Variants in ATP8A1 observed in about 807,000 individuals in gnomAD.
ATP8A1 encodes ATPase phospholipid transporting 8A1, also known as phospholipid-transporting ATPase IA.
ATP8A1 carries 90 observed loss-of-function variants against 177.7 expected under a neutral mutation model. The ratio of observed to expected loss-of-function variants is 0.51; its 90% CI spans 0.43 to 0.60. ATP8A1 has a LOEUF of 0.60. Ranked by LOEUF, ATP8A1 falls within the 20% of genes least tolerant of loss-of-function variation. The probability of loss-of-function intolerance (pLI) is 0.00; values close to 1 mark genes in which losing one functional copy is unlikely to be tolerated. For synonymous variants in ATP8A1, 493 were observed against 485.9 expected (o/e 1.01, Z -0.19); for missense variants, 1,072 against 1,392.8 (o/e 0.77, Z 3.67).
intron 5 of ATP8A1, among the ~76,000 whole-genome samples, chr4:42,601,508 A>C (rs1173372877): frequency 6.6e-6 from 1 of 151,860 alleles, no homozygotes; most frequent in Non-Finnish European, 1.5e-5. Flanking sequence ...TGTCTGTGCT[A>C]TAACACTGAG....
At chr4:42,446,039 C>T (rs1717179387) in intron 31 of ATP8A1, among the ~76,000 whole-genome samples, 1 of 136,044 alleles carries the variant, frequency 7.4e-6, no homozygotes, top group African/African-American at 2.8e-5. Context: ...AAGGTCATGC[C>T]ACTGCACTCC....
At chr4:42,543,154 G>C (rs1160999512) in intron 20 of ATP8A1, among the ~76,000 whole-genome samples, 1 of 152,096 alleles carries the variant, frequency 6.6e-6, no homozygotes. Flanking sequence ...TTTAAACCAA[G>C]GCATTTAACA....
intron 9 of ATP8A1, among the ~76,000 whole-genome samples, chr4:42,585,076 C>T (rs920638846): frequency 3.3e-5 from 5 of 152,108 alleles, no homozygotes; most frequent in Non-Finnish European, 5.9e-5. Flanking sequence ...AATGACAGAA[C>T]TAATAATTTA....
In ATP8A1 at chr4:42,411,229, A is replaced by G. The variant is rs1385387273; in HGVS notation, c.*1687T>C. 1 of 152,234 alleles carries G rather than the reference A, an allele frequency of 6.6e-6. No homozygotes were observed. The highest frequency in any genetic ancestry group is 2.4e-5 in the African/African-American group (1 of 41,472). 9.4% of individuals were successfully genotyped at this position (152,234 alleles called of 1,614,324 possible). On this transcript the variant is annotated 3_prime_UTR_variant, in exon 37 of 37. Transcript: ENST00000381668. Reference sequence around the variant, plus strand: ...TCTTATTTGTAGAAAATGGAGAGGCATACTGGTAACTAAGGAGCTACAAAT... The same window carrying G: ...TCTTATTTGTAGAAAATGGAGAGGCGTACTGGTAACTAAGGAGCTACAAAT...
At chr4:42,439,875 C>T (rs1716426396) in intron 33 of ATP8A1, among the ~76,000 whole-genome samples, 1 of 152,150 alleles carries the variant, frequency 6.6e-6, no homozygotes, top group African/African-American at 2.4e-5. Flanking sequence ...GAGCACAGGG[C>T]AACGTTTAAG....
intron 16 of ATP8A1, among the ~76,000 whole-genome samples, chr4:42,553,615 C>T (rs929778887): frequency 1.3e-5 from 2 of 151,038 alleles, no homozygotes; most frequent in African/African-American, 4.9e-5. Flanking sequence ...TCTCTATGCT[C>T]TTGGGCAAAA....
Position 42,441,770 on chromosome 4 carries a change from G to T in ATP8A1, c.3123+1795C>A, listed in dbSNP as rs116423468. ...GTTTGAATAAACAGACATTTTGGAC[G>T]TGCTAGTCAAGCCTACCCTACAGCT... On this transcript the variant is annotated intron_variant, in intron 33 of 36. Coordinates refer to ENST00000381668, the MANE Select transcript of ATP8A1 (RefSeq NM_006095.2). 4.1e-3 allele frequency among the ~76,000 whole-genome samples: 618 copies of T among 152,270 alleles called. 5 individuals are homozygous for T. Among genetic ancestry groups the T allele is most frequent in the African/African-American group, 0.014 (600 of 41,560 alleles).
At chr4:42,531,834 C>T (rs1727289213) in intron 20 of ATP8A1, among the ~76,000 whole-genome samples, 1 of 151,848 alleles carries the variant, frequency 6.6e-6, no homozygotes, top group African/African-American at 2.4e-5. Flanking sequence ...CATAAAATAC[C>T]AGGGCCAGGT....
chr4:42,653,257 C>A (rs1203715838), intron 1 of ATP8A1, among the ~76,000 whole-genome samples: 2 of 151,024 alleles, frequency 1.3e-5, no homozygotes, highest in African/African-American at 4.9e-5. Flanking sequence ...GCAATCCATC[C>A]ACCCACCTTA....
intron 23 of ATP8A1, among the ~76,000 whole-genome samples, chr4:42,506,814 A>G (rs1447183054): frequency 1.3e-5 from 2 of 152,208 alleles, no homozygotes; most frequent in African/African-American, 4.8e-5. Flanking sequence ...CCATAAGCCC[A>G]ATCTCCAGAC....
rs528992896 is a variant in ATP8A1, at chr4:42,513,197, C to T, written c.1948-6043G>A. On this transcript the variant is annotated intron_variant, in intron 22 of 36. Coordinates refer to ENST00000381668, the MANE Select transcript of ATP8A1 (RefSeq NM_006095.2). ...TCCTACCATTCTCCCTTAGCCTGGC[C>T]TTAGACCCTCAGGTACCAATTCTCT... 1.2e-3 allele frequency among the ~76,000 whole-genome samples: 179 copies of T among 152,232 alleles called. 1 individual carries two copies. The highest frequency in any genetic ancestry group is 4.1e-3 in the African/African-American group (172 of 41,528).
At chr4:42,584,292 G>A (rs1733400520) in intron 9 of ATP8A1, among the ~76,000 whole-genome samples, 1 of 152,122 alleles carries the variant, frequency 6.6e-6, no homozygotes, top group African/African-American at 2.4e-5. Context: ...GAGGGGAGAA[G>A]GGAAGCAGGA....
chr4:42,642,169 G>A (rs186436008), intron 1 of ATP8A1, among the ~76,000 whole-genome samples: 14 of 152,300 alleles, frequency 9.2e-5, no homozygotes, highest in Non-Finnish European at 1.8e-4. Context: ...TAAGGAAAGT[G>A]TGACACTCTC....
intron 10 of ATP8A1, among the ~76,000 whole-genome samples, chr4:42,581,294 C>T (rs531391197): frequency 3.9e-5 from 6 of 152,228 alleles, no homozygotes; most frequent in South Asian, 2.1e-4. Flanking sequence ...CTACCACGCC[C>T]GGCTAATTTT....
Position 42,639,195 on chromosome 4 carries a change from G to A in ATP8A1, c.50-12086C>T, listed in dbSNP as rs190729767. On this transcript the variant is annotated intron_variant, in intron 1 of 36. Transcript: ENST00000381668. ...TTTAGAGACCACTGCTGCTTCACAG[G>A]AAGTACTTGAACAAGCACAAGATTA... Among the ~76,000 whole-genome samples, 55 of 152,134 alleles carry A rather than the reference G, an allele frequency of 3.6e-4. 1 individual carries two copies. In the East Asian group the frequency reaches 0.01, roughly 29 times the overall value.
At chr4:42,477,533 C>T (rs1225981630) in intron 25 of ATP8A1, among the ~76,000 whole-genome samples, 4 of 152,190 alleles carry the variant, frequency 2.6e-5, no homozygotes, top group African/African-American at 9.6e-5. Context: ...CCTAGAAAAA[C>T]TCTTGCCTGG....
intron 13 of ATP8A1, 53 bp from the exon 14 acceptor site, chr4:42,574,760 T>C (rs1342997308): frequency 3.2e-6 from 4 of 1,263,400 alleles, no homozygotes; most frequent in Non-Finnish European, 4.5e-6. Context: ...TATGCCACTC[T>C]TTTACAGAGA....
chr4:42,432,649 G>C (rs1440777642), intron 33 of ATP8A1, among the ~76,000 whole-genome samples: 1 of 152,144 alleles, frequency 6.6e-6, no homozygotes, highest in African/African-American at 2.4e-5. Context: ...GCAGTAAGTG[G>C]TGAATTTGCC....
chr4:42,613,093 T>A (rs1170122966), intron 5 of ATP8A1, among the ~76,000 whole-genome samples: 1 of 152,166 alleles, frequency 6.6e-6, no homozygotes, highest in Non-Finnish European at 1.5e-5. Flanking sequence ...GCAAATTGAA[T>A]TTCATTCTGG....
Sources: gnomAD v4.1 joint callset for allele counts (sites outside exome capture counted in the v4.1 genomes callset) on GRCh38, gnomAD v4.1.1 for gene constraint, MANE v1.5 for transcripts, NCBI Gene and HGNC (gene_info 2026-07-23, HGNC 2026-07-21) for gene names.